SPIRE1: variants seen among roughly 807,000 people sequenced by gnomAD.
SPIRE1 encodes the protein protein spire homolog 1.
In SPIRE1, 40 loss-of-function variants were observed where a neutral mutation model predicts 94.1. That is an observed-to-expected ratio of 0.43 (90% CI 0.33 to 0.55). The LOEUF (loss-of-function observed/expected upper bound fraction) is 0.55. Among genes scored for constraint, SPIRE1 ranks in the 20% least tolerant of loss-of-function variants. The probability of loss-of-function intolerance (pLI) is 0.06; values close to 1 mark genes in which losing one functional copy is unlikely to be tolerated. For missense variants in SPIRE1, 838 were observed against 975.2 expected, an observed-to-expected ratio of 0.86 and a Z score of 1.87; for synonymous variants, 376 against 371.7, an observed-to-expected ratio of 1.01 and a Z score of -0.13.
At chr18:12,525,454 A>T (rs890815951) in intron 4 of SPIRE1, among the ~76,000 whole-genome samples, 3 of 151,798 alleles carry the variant, frequency 2.0e-5, no homozygotes, top group Non-Finnish European at 4.4e-5. Flanking sequence ...TACATTTTTT[A>T]AAATATCAAT....
chr18:12,521,958 T>C (rs992002675), intron 4 of SPIRE1, among the ~76,000 whole-genome samples: 8 of 152,180 alleles, frequency 5.3e-5, no homozygotes, highest in Non-Finnish European at 1.2e-4. Flanking sequence ...GGCCTCCCTA[T>C]TCCGTGAGAC....
At chr18:12,657,446 G>A (rs1439143675) in intron 1 of SPIRE1, 84 bp downstream of exon 1, 5 of 1,101,474 alleles carry the variant, frequency 4.5e-6, no homozygotes, top group African/African-American at 3.3e-5. Flanking sequence ...CGGCGGGGGC[G>A]GAAGGGCCGG....
intron 2 of SPIRE1, chr18:12,588,263 T>G (rs534612289): frequency 1.3e-5 from 2 of 152,692 alleles, no homozygotes; most frequent in Admixed American, 1.3e-4. Flanking sequence ...TTTAATTTTT[T>G]TTTAAAAGTA....
At chr18:12,588,605 TA>T (rs5823229) in intron 2 of SPIRE1, among the ~76,000 whole-genome samples, 101,835 of 135,394 alleles carry the variant, frequency 0.75, 38,690 homozygotes, top group Middle Eastern at 0.87. Flanking sequence ...TGTCTCACTT[TA>T]AAAAAAAAAA....
Position 12,636,300 on chromosome 18 carries a change from C to G in SPIRE1, c.338-1204G>C, listed in dbSNP as rs986531415. The G allele has an allele frequency of 2.6e-5, 4 of 152,326 alleles. 1 individual carries two copies. In the Middle Eastern group the frequency reaches 0.01, roughly 389 times the overall value. The allele number at this position is 152,326 out of a possible 1,614,324, so 9.4% of individuals were successfully genotyped here. On this transcript the variant is annotated intron_variant, in intron 1 of 16. Transcript: ENST00000409402. The stretch of plus-strand genomic sequence containing the variant: ...CCCTTCACCCAATACTATCCTCCCA[C>G]TTCTTCCTCTCCCCAGGATTTACCC...
chr18:12,520,264 C>T (rs1361614586), intron 4 of SPIRE1, among the ~76,000 whole-genome samples: 1 of 151,842 alleles, frequency 6.6e-6, no homozygotes, highest in Non-Finnish European at 1.5e-5. Flanking sequence ...TATTTGTTGC[C>T]CATATATAGG....
rs568140559 is a variant in SPIRE1, at chr18:12,581,645, C to G, written c.373-34741G>C. 2.0e-4 allele frequency among the ~76,000 whole-genome samples: 30 copies of G among 152,254 alleles called. No individual in the cohort carries two copies. The South Asian group carries it at 6.0e-3, about 31-fold the overall frequency. ...CTGGGAGGTCAAGGCGGGCGGATGA[C>G]CTGAGGTCAGGAATTTGAGACCAGC... On this transcript the variant is annotated intron_variant, in intron 2 of 16. Transcript: ENST00000409402.
intron 2 of SPIRE1, among the ~76,000 whole-genome samples, chr18:12,624,093 T>C (rs1461912344): frequency 1.3e-5 from 2 of 149,538 alleles, no homozygotes; most frequent in Non-Finnish European, 3.0e-5. Flanking sequence ...CCAACTAATT[T>C]TGTATTTTTA....
chr18:12,648,119 C>T (rs1463768717), intron 1 of SPIRE1, among the ~76,000 whole-genome samples: 1 of 152,154 alleles, frequency 6.6e-6, no homozygotes, highest in Admixed American at 6.6e-5. Context: ...GGAGAAGGCA[C>T]AAATCTTCTT....
chr18:12,602,460 T>C (rs1567960887), intron 2 of SPIRE1, among the ~76,000 whole-genome samples: 2 of 152,162 alleles, frequency 1.3e-5, no homozygotes, highest in African/African-American at 4.8e-5. Flanking sequence ...AGTCCCAGGG[T>C]GCTGGGAGTT....
chr18:12,563,413 T>C (rs1350181574), intron 2 of SPIRE1, among the ~76,000 whole-genome samples: 1 of 152,152 alleles, frequency 6.6e-6, no homozygotes, highest in Non-Finnish European at 1.5e-5. Context: ...CCTAGAACTC[T>C]TGGCATCAAA....
intron 2 of SPIRE1, among the ~76,000 whole-genome samples, chr18:12,566,855 G>A (rs1304250547): frequency 6.6e-6 from 1 of 152,024 alleles, no homozygotes. Context: ...TATGAGGCCA[G>A]CATTACCCTA....
intron 1 of SPIRE1, chr18:12,653,434 CCCAAT>C (rs2038436606): frequency 6.6e-6 from 1 of 152,140 alleles, no homozygotes; most frequent in Non-Finnish European, 1.5e-5. Context: ...TCACTTATGC[CCCAAT>C]CCTGTGAAAA....
chr18:12,456,434 T>C (rs936363867), intron 12 of SPIRE1, among the ~76,000 whole-genome samples: 4 of 152,242 alleles, frequency 2.6e-5, no homozygotes, highest in African/African-American at 9.6e-5. Context: ...TTATTTTTAT[T>C]CATCAGTGAT....
intron 6 of SPIRE1, among the ~76,000 whole-genome samples, chr18:12,497,362 A>G (rs1400645411): frequency 6.6e-6 from 1 of 152,118 alleles, no homozygotes; most frequent in Non-Finnish European, 1.5e-5. Context: ...TTAAATTCCC[A>G]TTCTGACCAC....
In SPIRE1 at chr18:12,449,864, G is replaced by A. The variant is rs1334853790; in HGVS notation, c.2045C>T (p.Ser682Leu). 1 of 1,614,106 alleles carries A rather than the reference G, an allele frequency of 6.2e-7. No individual in the cohort carries two copies. Among genetic ancestry groups the A allele is most frequent in the Admixed American group, 1.7e-5 (1 of 60,006 alleles). ...TTTGGGAAACTGGAGTTCTTCATCTGATTTGTCCATAGACTTAGATTTTGA... is the reference window on the plus strand; with the variant it reads ...TTTGGGAAACTGGAGTTCTTCATCTAATTTGTCCATAGACTTAGATTTTGA... ...FSSKSKSMDK[S>L]DEELQFPKEL... Residue 682 changes from serine (S) to leucine (L), a missense_variant, in exon 17 of 17, where the codon TCA becomes TTA. By Grantham distance (145) the Ser-to-Leu change is moderately radical. Transcript: ENST00000409402.
At chr18:12,480,945 A>G (rs932364549) in intron 9 of SPIRE1, among the ~76,000 whole-genome samples, 2 of 152,226 alleles carry the variant, frequency 1.3e-5, no homozygotes, top group African/African-American at 4.8e-5. Flanking sequence ...GCTGCCGTAG[A>G]TGGGGCAAAG....
chr18:12,453,034 A>C (rs1487153058), intron 14 of SPIRE1, 34 bp downstream of exon 14: 2 of 1,385,040 alleles, frequency 1.4e-6, no homozygotes, highest in African/African-American at 2.9e-5. Context: ...ACGACTGTTA[A>C]ATTTATCTTT....
At chr18:12,501,586 G>C (rs1192934279) in intron 6 of SPIRE1, among the ~76,000 whole-genome samples, 1 of 152,158 alleles carries the variant, frequency 6.6e-6, no homozygotes, top group Non-Finnish European at 1.5e-5. Flanking sequence ...GTTTGACCAT[G>C]GTGGCCAGGA....
Sources: allele counts gnomAD v4.1 joint callset (sites outside exome capture counted in the v4.1 genomes callset), GRCh38; gene constraint gnomAD v4.1.1; transcripts MANE v1.5; gene names NCBI Gene and HGNC (gene_info 2026-07-23, HGNC 2026-07-21).